The following ARFIP1 variants were observed in gnomAD, a reference collection of about 807,000 sequenced individuals.
ARFIP1 encodes the protein ARF interacting protein 1.
A neutral mutation model predicts 42.5 loss-of-function variants in ARFIP1; 24 were observed. That is an observed-to-expected ratio of 0.57 (90% CI 0.41 to 0.80). ARFIP1 has a LOEUF of 0.80. Among genes scored for constraint, ARFIP1 ranks in the 30% least tolerant of loss-of-function variants. The pLI is 0.00. For synonymous variants in ARFIP1, 141 were observed against 153.7 expected, an observed-to-expected ratio of 0.92 and a Z score of 0.61; for missense variants, 354 against 434.0, an observed-to-expected ratio of 0.82 and a Z score of 1.64.
chr4:152,882,627 A>C (rs1223327961), intron 6 of ARFIP1, 96 bp from the exon 7 acceptor site: 5 of 1,191,074 alleles, frequency 4.2e-6, no homozygotes, highest in Non-Finnish European at 6.0e-6. Context: ...ATCTCTATCT[A>C]AATCACATAT....
intron 1 of ARFIP1, among the ~76,000 whole-genome samples, chr4:152,820,768 T>G (rs1227931722): frequency 6.6e-6 from 1 of 152,126 alleles, no homozygotes; most frequent in Non-Finnish European, 1.5e-5. Context: ...CAACATGAGA[T>G]TTGGGCAGGG....
At chr4:152,799,538 A>G (rs1455346524) in intron 1 of ARFIP1, among the ~76,000 whole-genome samples, 1 of 152,236 alleles carries the variant, frequency 6.6e-6, no homozygotes, top group East Asian at 1.9e-4. Context: ...CCAAAAATCA[A>G]AGACAAATTC....
intron 5 of ARFIP1, among the ~76,000 whole-genome samples, chr4:152,875,802 G>T (rs1047902808): frequency 6.6e-6 from 1 of 150,760 alleles, no homozygotes; most frequent in East Asian, 2.0e-4. Context: ...AACTCCAGTT[G>T]TATCTCCTAG....
intron 5 of ARFIP1, among the ~76,000 whole-genome samples, chr4:152,880,595 T>A (rs1735756515): frequency 6.6e-6 from 1 of 152,128 alleles, no homozygotes; most frequent in African/African-American, 2.4e-5. Context: ...TTGAAAGCAG[T>A]AGGAGAGTAG....
intron 1 of ARFIP1, among the ~76,000 whole-genome samples, chr4:152,808,449 G>A (rs1417483793): frequency 2.6e-5 from 4 of 151,318 alleles, no homozygotes; most frequent in Admixed American, 2.6e-4. Flanking sequence ...GAATATTCTT[G>A]TACTTGCCTT....
chr4:152,857,386 C>T (rs1017419367), intron 2 of ARFIP1, among the ~76,000 whole-genome samples: 3 of 152,116 alleles, frequency 2.0e-5, no homozygotes, highest in Admixed American at 2.0e-4. Context: ...AATAAATTGC[C>T]TATGGCTGCT....
intron 2 of ARFIP1, among the ~76,000 whole-genome samples, chr4:152,850,198 C>T (rs1732870626): frequency 1.3e-5 from 2 of 152,138 alleles, no homozygotes; most frequent in African/African-American, 4.8e-5. Context: ...TAAAATATAG[C>T]AACTTACTAC....
chr4:152,891,962 C>T (rs1736894157), intron 8 of ARFIP1, among the ~76,000 whole-genome samples: 1 of 152,120 alleles, frequency 6.6e-6, no homozygotes, highest in Non-Finnish European at 1.5e-5. Flanking sequence ...CCCACCTTGG[C>T]CTCCCAAAGT....
At chr4:152,861,483 C>T (rs1733892068) in intron 2 of ARFIP1, among the ~76,000 whole-genome samples, 1 of 152,112 alleles carries the variant, frequency 6.6e-6, no homozygotes, top group Non-Finnish European at 1.5e-5. Context: ...TTAAGGGTTG[C>T]TTATACATTG....
At chr4:152,888,983 A>G (rs1736499023) in intron 8 of ARFIP1, among the ~76,000 whole-genome samples, 1 of 152,128 alleles carries the variant, frequency 6.6e-6, no homozygotes, top group Non-Finnish European at 1.5e-5. Flanking sequence ...TGGAAATGGG[A>G]AATGAGTGAG....
rs924695460 is a variant in ARFIP1 at position 152,881,119 on chromosome 4, G to A, written c.568G>A (p.Val190Ile). 2.5e-6 allele frequency: 4 copies of A among 1,613,812 alleles called. No homozygotes were observed. The highest frequency in any genetic ancestry group is 3.4e-6 in the Non-Finnish European group (4 of 1,179,864). Residue 190 changes from valine (V) to isoleucine (I), a missense_variant, in exon 6 of 9, where the codon GTA becomes ATA. Val to Ile is a conservative substitution (Grantham distance 29). Transcript: ENST00000353617. Reference sequence around the variant, plus strand: ...ATTGTCGACCCAGCTTTTCCAGATGGTACATACCCAAAGGCAACTTGGAGA... The same window carrying A: ...ATTGTCGACCCAGCTTTTCCAGATGATACATACCCAAAGGCAACTTGGAGA... ...QTLSTQLFQM[V>I]HTQRQLGDAF...
At chr4:152,864,102 TAGG>T (rs796127993) in intron 3 of ARFIP1, among the ~76,000 whole-genome samples, 83 of 152,322 alleles carry the variant, frequency 5.4e-4, no homozygotes, top group African/African-American at 1.7e-3. Context: ...TTACGTTATA[TAGG>T]AGGTCTCCAA....
intron 8 of ARFIP1, among the ~76,000 whole-genome samples, chr4:152,907,946 C>T (rs1024162868): frequency 1.3e-5 from 2 of 152,160 alleles, no homozygotes; most frequent in African/African-American, 2.4e-5. Context: ...TTTCATTTTA[C>T]TAGTTCGTGC....
intron 1 of ARFIP1, among the ~76,000 whole-genome samples, chr4:152,821,462 G>T (rs150405842): frequency 1.2e-3 from 183 of 151,986 alleles, no homozygotes; most frequent in African/African-American, 4.3e-3. Context: ...AGAATTAAAA[G>T]AAATGAACAA....
chr4:152,872,754 G>T (rs990588846), intron 5 of ARFIP1, among the ~76,000 whole-genome samples, 190 bp downstream of exon 5: 6 of 152,034 alleles, frequency 3.9e-5, no homozygotes, highest in East Asian at 1.9e-4. Context: ...TAAGAATTTA[G>T]TACAAAAGAG....
At chr4:152,904,198 A>T (rs185554632) in intron 8 of ARFIP1, among the ~76,000 whole-genome samples, 6,197 of 126,650 alleles carry the variant, frequency 0.049, 211 homozygotes, top group East Asian at 0.095. Flanking sequence ...ATATATATAT[A>T]TTTTTTTTTT....
intron 1 of ARFIP1, among the ~76,000 whole-genome samples, chr4:152,829,410 G>A (rs1731094695): frequency 1.3e-5 from 2 of 152,194 alleles, no homozygotes; most frequent in African/African-American, 4.8e-5. Flanking sequence ...CAACAAATAT[G>A]TAACTCATTT....
chr4:152,895,526 ACTG>A (rs1737235326), intron 8 of ARFIP1, among the ~76,000 whole-genome samples: 1 of 141,064 alleles, frequency 7.1e-6, no homozygotes, highest in African/African-American at 2.7e-5. Context: ...AACTGAGACT[ACTG>A]GTACATGCCA....
At chr4:152,800,023 GT>G (rs930166617) in intron 1 of ARFIP1, among the ~76,000 whole-genome samples, 1 of 152,090 alleles carries the variant, frequency 6.6e-6, no homozygotes, top group Admixed American at 6.5e-5. Flanking sequence ...CATTCCTTGT[GT>G]TTTTAGCTAT....
Sources: allele counts gnomAD v4.1 joint callset (sites outside exome capture counted in the v4.1 genomes callset), GRCh38; gene constraint gnomAD v4.1.1; transcripts MANE v1.5; gene names NCBI Gene and HGNC (gene_info 2026-07-23, HGNC 2026-07-21).